The following LMLN variants were observed in gnomAD, a reference collection of about 807,000 sequenced individuals.
LMLN encodes the protein leishmanolysin-like peptidase.
A neutral mutation model predicts 92.3 loss-of-function variants in LMLN; 70 were observed. The ratio of observed to expected loss-of-function variants is 0.76; its 90% CI spans 0.63 to 0.92. LMLN has a LOEUF of 0.92. Ranked by LOEUF, LMLN falls within the 40% of genes least tolerant of loss-of-function variation. The pLI, the probability that LMLN is intolerant of heterozygous loss-of-function variation, is 0.00. For synonymous variants in LMLN, 308 were observed against 296.2 expected (o/e 1.04, Z -0.41); for missense variants, 691 against 814.6 (o/e 0.85, Z 1.85).
At chr3:197,971,269 T>C (rs961732594) in intron 1 of LMLN, among the ~76,000 whole-genome samples, 6 of 152,164 alleles carry the variant, frequency 3.9e-5, no homozygotes, top group African/African-American at 1.4e-4. Flanking sequence ...CTTACAATCA[T>C]GGTGGAAGAT....
chr3:198,026,012 A>G (rs1560154975), intron 14 of LMLN, among the ~76,000 whole-genome samples: 1 of 152,078 alleles, frequency 6.6e-6, no homozygotes, highest in East Asian at 1.9e-4. Flanking sequence ...GCTAGAGACA[A>G]TGGTGCGATC....
chr3:198,036,541 C>CG (rs975868163), intron 15 of LMLN, among the ~76,000 whole-genome samples: 2 of 151,798 alleles, frequency 1.3e-5, no homozygotes, highest in African/African-American at 2.4e-5. Flanking sequence ...TGGCAAAGAC[C>CG]GGGGGGTTCA....
chr3:197,969,706 A>G (rs1721169450), intron 1 of LMLN, among the ~76,000 whole-genome samples: 1 of 152,218 alleles, frequency 6.6e-6, no homozygotes, highest in South Asian at 2.1e-4. Context: ...CAGTGACTAC[A>G]ATATATGTAG....
chr3:197,970,857 A>G (rs548748417), intron 1 of LMLN, among the ~76,000 whole-genome samples: 3 of 152,290 alleles, frequency 2.0e-5, no homozygotes, highest in African/African-American at 7.2e-5. Context: ...TACCATTTCC[A>G]ATAGCTTTTA....
At chr3:198,036,038 C>T in exon 15 of LMLN, 11 of 1,613,008 alleles carry the variant, frequency 6.8e-6, no homozygotes, top group Non-Finnish European at 9.3e-6. Flanking sequence ...CGAGCTCTGC[C>T]ACTTGGTGAG....
At chr3:197,961,048 T>C (rs1275913331) in intron 1 of LMLN, among the ~76,000 whole-genome samples, 8 of 152,188 alleles carry the variant, frequency 5.3e-5, no homozygotes, top group Admixed American at 3.3e-4. Flanking sequence ...CTGCTTAAAT[T>C]CTTTGTCTCA....
At position 198,038,621 on chromosome 3, in the gene LMLN, ATC is replaced by A; in HGVS notation, c.1924_1925del (p.Leu642ValfsTer31). On this transcript the variant is annotated frameshift_variant, in exon 16 of 16. Coordinates refer to ENST00000330198, the Ensembl canonical transcript of LMLN. LOFTEE classifies it high-confidence loss of function. ...GTCACCCTCTGGCTTCTGCTAGGCA[ATC>A]TGTTTCCTCTGCTGGCTGGATTTCT... 3 of 1,614,092 alleles carry A rather than the reference ATC, an allele frequency of 1.9e-6. No individual in the cohort carries two copies. Among genetic ancestry groups the A allele is most frequent in the Non-Finnish European group, 2.5e-6 (3 of 1,179,972 alleles).
chr3:197,996,276 A>G, exon 10 of LMLN: 1 of 1,556,780 alleles, frequency 6.4e-7, no homozygotes, highest in South Asian at 1.2e-5. Flanking sequence ...AAAAAAGGTT[A>G]TTAGAGGTCA....
chr3:198,021,501 C>G, exon 13 of LMLN: 1 of 1,614,076 alleles, frequency 6.2e-7, no homozygotes, highest in Non-Finnish European at 8.5e-7. Flanking sequence ...TATGGTGGCT[C>G]CGTGGAAATT....
chr3:197,968,113 T>A (rs942438529), intron 1 of LMLN, among the ~76,000 whole-genome samples: 1 of 152,204 alleles, frequency 6.6e-6, no homozygotes, highest in Non-Finnish European at 1.5e-5. Flanking sequence ...TGAGGTGATG[T>A]ACATCCTCAG....
At chr3:197,995,970 TAAG>T (rs1308617564) in intron 9 of LMLN, among the ~76,000 whole-genome samples, 1 of 152,176 alleles carries the variant, frequency 6.6e-6, no homozygotes, top group African/African-American at 2.4e-5. Context: ...GAAAAGATAC[TAAG>T]TAGTAATTTC....
At chr3:197,973,992 A>G (rs1721299862) in intron 1 of LMLN, among the ~76,000 whole-genome samples, 1 of 152,236 alleles carries the variant, frequency 6.6e-6, no homozygotes, top group Non-Finnish European at 1.5e-5. Flanking sequence ...AACCTCTTTC[A>G]TAAATAAATT....
At chr3:198,020,253 C>T (rs547385846) in intron 12 of LMLN, among the ~76,000 whole-genome samples, 8 of 152,336 alleles carry the variant, frequency 5.3e-5, no homozygotes, top group Admixed American at 1.3e-4. Context: ...GCCTCAGCCT[C>T]CCAAAGTGTT....
intron 11 of LMLN, among the ~76,000 whole-genome samples, chr3:198,014,963 C>G (rs1279392114): frequency 2.2e-5 from 3 of 138,206 alleles, no homozygotes; most frequent in Admixed American, 7.0e-5. Context: ...AGCCCCCTAA[C>G]TAGTCTGACT....
At chr3:197,967,542 A>C (rs1721092353) in intron 1 of LMLN, among the ~76,000 whole-genome samples, 1 of 152,248 alleles carries the variant, frequency 6.6e-6, no homozygotes, top group Non-Finnish European at 1.5e-5. Context: ...ACCACAAGGC[A>C]AAGGGCAAAG....
intron 11 of LMLN, among the ~76,000 whole-genome samples, chr3:198,011,825 G>A (rs1170456281): frequency 6.6e-6 from 1 of 152,268 alleles, no homozygotes; most frequent in East Asian, 1.9e-4. Context: ...TCTAACTGGT[G>A]TGAGATGGTA....
chr3:198,010,327 A>AT (rs1402740503), intron 11 of LMLN, among the ~76,000 whole-genome samples: 1 of 150,872 alleles, frequency 6.6e-6, no homozygotes. Flanking sequence ...CTAATTTTGT[A>AT]TTTTTTAGTA....
At chr3:198,009,005 G>A (rs1226592238) in intron 11 of LMLN, among the ~76,000 whole-genome samples, 1 of 151,944 alleles carries the variant, frequency 6.6e-6, no homozygotes, top group Non-Finnish European at 1.5e-5. Flanking sequence ...AGCAGAACAT[G>A]GTATGATTTC....
Position 198,008,101 on chromosome 3 carries a change from A to C in LMLN, c.1232+8759A>C, listed in dbSNP as rs372073349. Among the ~76,000 whole-genome samples, 21 of 152,264 alleles carry C rather than the reference A, an allele frequency of 1.4e-4. No individual in the cohort carries two copies. The East Asian group carries it at 3.5e-3, about 25-fold the overall frequency. On this transcript the variant is annotated intron_variant, in intron 11 of 15. Coordinates refer to ENST00000330198, the Ensembl canonical transcript of LMLN. ...AAACCCCACTTGGTGATGGCTTATA[A>C]TTATTTCTGTATGTTGCTGAATTCT...
Sources: gnomAD v4.1 joint callset for allele counts (sites outside exome capture counted in the v4.1 genomes callset) on GRCh38, gnomAD v4.1.1 for gene constraint, MANE v1.5 for transcripts, NCBI Gene and HGNC (gene_info 2026-07-23, HGNC 2026-07-21) for gene names.